The following TRIO variants were observed in gnomAD, a reference collection of about 807,000 sequenced individuals.
TRIO encodes the protein triple functional domain protein.
TRIO carries 58 observed loss-of-function variants against 351.9 expected under a neutral mutation model. The ratio of observed to expected loss-of-function variants is 0.16; its 90% CI spans 0.13 to 0.21. The LOEUF is 0.21. TRIO is among the 10% of genes least tolerant of loss of function. The pLI is 1.00. For synonymous variants in TRIO, 1,758 were observed against 1,595.7 expected (o/e 1.10, Z -2.42); for missense variants, 3,201 against 4,027.8 (o/e 0.79, Z 5.56).
In TRIO at chr5:14,430,428, C is replaced by T. The variant is rs574580534; in HGVS notation, c.5203+10407C>T. On this transcript the variant is annotated intron_variant, in intron 34 of 56. Coordinates refer to ENST00000344204, the MANE Select transcript of TRIO (RefSeq NM_007118.4). Reference sequence around the variant, plus strand: ...TTTATTTTAGGGATTCTCCACATAACAAATAAATGGCAGTGATTTCCAAAG... The same window carrying T: ...TTTATTTTAGGGATTCTCCACATAATAAATAAATGGCAGTGATTTCCAAAG... 5.3e-5 allele frequency among the ~76,000 whole-genome samples: 8 copies of T among 152,166 alleles called. No individual in the cohort carries two copies. In the South Asian group the frequency reaches 1.2e-3, roughly 24 times the overall value.
chr5:14,358,665 A>G (rs1203020676), intron 12 of TRIO, among the ~76,000 whole-genome samples: 2 of 152,258 alleles, frequency 1.3e-5, no homozygotes, highest in Admixed American at 6.5e-5. Flanking sequence ...AAACCAGATT[A>G]ATGTGAGCTT....
At chr5:14,507,330 C>T (rs967517370) in intron 56 of TRIO, 70 bp downstream of exon 56, 1 of 1,581,288 alleles carries the variant, frequency 6.3e-7, no homozygotes, top group Non-Finnish European at 8.5e-7. Context: ...ACACAGAGCC[C>T]CCTCTGAAGC....
chr5:14,425,215 A>G (rs950777794), intron 34 of TRIO, among the ~76,000 whole-genome samples: 11 of 152,208 alleles, frequency 7.2e-5, no homozygotes, highest in Non-Finnish European at 1.2e-4. Flanking sequence ...TGCCCATGGA[A>G]CAAAACCCTC....
intron 6 of TRIO, among the ~76,000 whole-genome samples, chr5:14,296,534 T>C (rs1737376654): frequency 6.6e-6 from 1 of 152,246 alleles, no homozygotes; most frequent in African/African-American, 2.4e-5. Context: ...TTCATATTCC[T>C]GGGAGAAGGT....
rs969276853 is a variant in TRIO, at chr5:14,393,878, G to T, written c.4219-160G>T. On this transcript the variant is annotated intron_variant, in intron 27 of 56. Transcript: ENST00000344204. ...ACATTTTAGAAGCAAAGAAGTTTGT[G>T]TTAATAATTTAAAAGCCTCTTAGGA... is the stretch of plus-strand genomic sequence containing the variant. 2.0e-5 allele frequency among the ~76,000 whole-genome samples: 3 copies of T among 152,288 alleles called. No individual in the cohort carries two copies. The East Asian group carries it at 5.8e-4, about 29-fold the overall frequency.
At chr5:14,356,421 A>C (rs1325009459) in intron 11 of TRIO, among the ~76,000 whole-genome samples, 2 of 152,214 alleles carry the variant, frequency 1.3e-5, no homozygotes, top group Non-Finnish European at 2.9e-5. Context: ...AATTGAAACC[A>C]TAGTGAGATA....
chr5:14,476,450 A>G (rs1170233069), intron 40 of TRIO, among the ~76,000 whole-genome samples: 1 of 152,156 alleles, frequency 6.6e-6, no homozygotes, highest in Non-Finnish European at 1.5e-5. Flanking sequence ...TATTTGTTAA[A>G]TATATACTTC....
chr5:14,143,762 G>C lies in TRIO; in HGVS notation c.37G>C (p.Ala13Pro). ...GSSGGAAAPAASSGPAAAASA... is the reference protein window; with the variant it reads ...GSSGGAAAPAPSSGPAAAASA... ...CAGCGGCGGAGCCGCCGCCCCCGCCGCGTCCTCCGGCCCCGCCGCGGCGGC... is the reference window on the plus strand; with the variant it reads ...CAGCGGCGGAGCCGCCGCCCCCGCCCCGTCCTCCGGCCCCGCCGCGGCGGC... Residue 13 changes from alanine (A) to proline (P), a missense_variant, in exon 1 of 57, where the codon GCG (alanine) becomes CCG (proline). Transcript: ENST00000344204. The C allele has an allele frequency of 1.0e-6, 1 of 996,918 alleles. No individual in the cohort carries two copies. The highest frequency in any genetic ancestry group is 1.2e-6 in the Non-Finnish European group (1 of 839,256). 61.8% of individuals were successfully genotyped at this position (996,918 alleles called of 1,614,324 possible).
At chr5:14,495,810 C>T (rs1309242156) in intron 49 of TRIO, among the ~76,000 whole-genome samples, 1 of 150,102 alleles carries the variant, frequency 6.7e-6, no homozygotes, top group Admixed American at 6.7e-5. Context: ...ACTAAAAATA[C>T]AAAAAAAAAT....
At chr5:14,498,782 T>C (rs1424508471) in intron 53 of TRIO, 142 bp downstream of exon 53, 6 of 1,318,402 alleles carry the variant, frequency 4.6e-6, no homozygotes, top group Non-Finnish European at 6.3e-6. Context: ...CAAAAGACAG[T>C]TGTAAGTAGC....
intron 53 of TRIO, among the ~76,000 whole-genome samples, chr5:14,501,440 T>TGCA (rs1185939551): frequency 1.3e-5 from 2 of 152,242 alleles, no homozygotes; most frequent in Non-Finnish European, 2.9e-5. Context: ...TCTGGGAGGC[T>TGCA]GCAGAGGTGG....
Position 14,297,104 on chromosome 5 carries a change from G to A in TRIO, c.1209G>A (p.Ser403=), listed in dbSNP as rs189300218. The A allele has an allele frequency of 9.9e-5, 159 of 1,613,634 alleles. No homozygotes were observed. In the Admixed American group the frequency reaches 2.3e-3, roughly 24 times the overall value. ...ATGTAAATATAAACCGCATCATGTC[G>A]GTGGCCAATCGTCTGGTGGAGTCTG... is the stretch of plus-strand genomic sequence containing the variant. ...NVYVNINRIM[S]VANRLVESGH... Residue 403 remains serine (S), a synonymous_variant, in exon 7 of 57, where the codon TCG becomes TCA. Coordinates refer to ENST00000344204, the MANE Select transcript of TRIO (RefSeq NM_007118.4).
intron 34 of TRIO, among the ~76,000 whole-genome samples, chr5:14,453,768 A>G (rs1396062649): frequency 6.6e-6 from 1 of 152,180 alleles, no homozygotes; most frequent in Non-Finnish European, 1.5e-5. Context: ...AGGGGGAAGC[A>G]CATTCCCAAA....
intron 11 of TRIO, among the ~76,000 whole-genome samples, chr5:14,351,655 C>A (rs926009741): frequency 1.3e-5 from 2 of 152,224 alleles, no homozygotes; most frequent in Non-Finnish European, 2.9e-5. Flanking sequence ...TCATTACATA[C>A]AGGAGAAAAC....
intron 34 of TRIO, among the ~76,000 whole-genome samples, chr5:14,438,349 G>A (rs1012621466): frequency 6.6e-6 from 1 of 152,088 alleles, no homozygotes; most frequent in Admixed American, 6.5e-5. Flanking sequence ...GTTCTCACAC[G>A]GCAGATAGAC....
chr5:14,428,698 A>C (rs1382224679), intron 34 of TRIO, among the ~76,000 whole-genome samples: 1 of 152,216 alleles, frequency 6.6e-6, no homozygotes, highest in East Asian at 1.9e-4. Context: ...AACAGGAAAA[A>C]TCCACGAGCA....
At chr5:14,374,981 C>G (rs924322265) in intron 19 of TRIO, among the ~76,000 whole-genome samples, 5 of 151,962 alleles carry the variant, frequency 3.3e-5, no homozygotes, top group Admixed American at 2.0e-4. Context: ...GATACACAGC[C>G]TAAGTTTAGT....
At position 14,366,875 on chromosome 5, in the gene TRIO, C is replaced by T. The variant is rs772072746; in HGVS notation, c.2770C>T (p.Arg924Cys). ...AEVKQVLGWI[R>C]NGESMLNAGL... Reference sequence around the variant, plus strand: ...AATGTTTCAGGTGCTGGGTTGGATCCGCAACGGAGAGTCCATGTTAAATGC... The same window carrying T: ...AATGTTTCAGGTGCTGGGTTGGATCTGCAACGGAGAGTCCATGTTAAATGC... The change falls in exon 16 of 57, where the codon CGC becomes TGC. Residue 924 changes from arginine to cysteine, a missense_variant. Around this residue, in one of 19 missense-constraint regions of TRIO, gnomAD observed 363 missense variants for 553.5 expected, o/e 0.66. Transcript: ENST00000344204. 3.7e-6 allele frequency: 6 copies of T among 1,614,004 alleles called. No individual in the cohort carries two copies. Among genetic ancestry groups the T allele is most frequent in the South Asian group, 2.2e-5 (2 of 91,088 alleles).
intron 1 of TRIO, among the ~76,000 whole-genome samples, chr5:14,243,537 G>A (rs1283242999): frequency 6.6e-6 from 1 of 152,040 alleles, no homozygotes; most frequent in Non-Finnish European, 1.5e-5. Context: ...TTGGAAAGGT[G>A]TATGTCAAAT....
Sources: allele counts gnomAD v4.1 joint callset (sites outside exome capture counted in the v4.1 genomes callset), GRCh38; gene constraint gnomAD v4.1.1; regional missense constraint gnomAD v4.1.1; transcripts MANE v1.5; gene names NCBI Gene and HGNC (gene_info 2026-07-23, HGNC 2026-07-21).